DACH1: variants seen among roughly 807,000 people sequenced by gnomAD.
DACH1 encodes the protein dachshund family transcription factor 1.
Under a neutral mutation model 54.2 loss-of-function variants are expected in DACH1, and 12 were observed. The observed-to-expected ratio is 0.22, with a 90% CI of 0.14 to 0.36. DACH1 has a LOEUF of 0.36. Among genes scored for constraint, DACH1 ranks in the 10% least tolerant of loss-of-function variants. The pLI, the probability that DACH1 is intolerant of heterozygous loss-of-function variation, is 1.00. For synonymous variants in DACH1, 386 were observed against 366.2 expected (o/e 1.05, Z -0.62); for missense variants, 805 against 929.8 (o/e 0.87, Z 1.75).
chr13:71,598,558 C>T (rs1874276908), intron 3 of DACH1, among the ~76,000 whole-genome samples: 1 of 151,992 alleles, frequency 6.6e-6, no homozygotes, highest in South Asian at 2.1e-4. Flanking sequence ...CGGCCTGACG[C>T]TTATTTTTTG....
At chr13:71,587,786 G>C (rs1461590226) in intron 3 of DACH1, among the ~76,000 whole-genome samples, 1 of 152,054 alleles carries the variant, frequency 6.6e-6, no homozygotes, top group Non-Finnish European at 1.5e-5. Flanking sequence ...TTGAAAAAGA[G>C]AGTACAAATC....
At chr13:71,480,118 A>G (rs914061543) in intron 7 of DACH1, among the ~76,000 whole-genome samples, 1 of 152,236 alleles carries the variant, frequency 6.6e-6, no homozygotes, top group African/African-American at 2.4e-5. Flanking sequence ...ATTCAGGACT[A>G]TGCCCCCAGG....
chr13:71,772,124 A>T (rs1319636338), intron 1 of DACH1, among the ~76,000 whole-genome samples: 1 of 151,614 alleles, frequency 6.6e-6, no homozygotes, highest in Non-Finnish European at 1.5e-5. Context: ...ATATAGACTG[A>T]TATCCTCTAC....
At chr13:71,611,659 A>G (rs1485207304) in intron 3 of DACH1, among the ~76,000 whole-genome samples, 1 of 152,186 alleles carries the variant, frequency 6.6e-6, no homozygotes, top group Non-Finnish European at 1.5e-5. Context: ...GTATTGCTTC[A>G]TTTATTTTTT....
At position 71,865,754 on chromosome 13, in the gene DACH1, G is replaced by A. The variant is rs563880317; in HGVS notation, c.848+168C>T. ...AGGGTGAGGTGCCAACTTCTCAGGG[G>A]GTCGGGCGCGGCTGGCGAGCCCCGA... On this transcript the variant is annotated intron_variant, in intron 1 of 10. Transcript: ENST00000613252. Among the ~76,000 whole-genome samples the A allele has an allele frequency of 6.5e-4, 99 of 152,146 alleles. 1 individual carries two copies. The East Asian group carries it at 9.6e-3, about 15-fold the overall frequency.
intron 1 of DACH1, among the ~76,000 whole-genome samples, chr13:71,851,237 T>C (rs987759038): frequency 1.1e-4 from 16 of 152,228 alleles, no homozygotes; most frequent in Middle Eastern, 3.2e-3. Flanking sequence ...TAGCTTCTCC[T>C]GATTTAGGTT....
intron 10 of DACH1, among the ~76,000 whole-genome samples, chr13:71,467,400 A>C (rs534741731): frequency 4.9e-4 from 73 of 150,186 alleles, no homozygotes; most frequent in Non-Finnish European, 6.4e-4. Flanking sequence ...CCTAATGCTA[A>C]ATGACGAGTT....
At chr13:71,684,844 C>T (rs185844980) in intron 1 of DACH1, among the ~76,000 whole-genome samples, 11 of 152,132 alleles carry the variant, frequency 7.2e-5, no homozygotes, top group African/African-American at 2.6e-4. Context: ...AGTATACTAC[C>T]TTATCAATTC....
intron 1 of DACH1, among the ~76,000 whole-genome samples, chr13:71,756,977 A>C (rs910992441): frequency 6.6e-6 from 1 of 152,134 alleles, no homozygotes; most frequent in South Asian, 2.1e-4. Flanking sequence ...AATTTGTAAC[A>C]AAAAACTCAT....
At chr13:71,552,644 T>G (rs1404781070) in intron 6 of DACH1, among the ~76,000 whole-genome samples, 2 of 150,628 alleles carry the variant, frequency 1.3e-5, no homozygotes, top group Admixed American at 1.3e-4. Flanking sequence ...ATACCACAAA[T>G]GTCAATTATT....
chr13:71,826,058 G>C (rs1888365394), intron 1 of DACH1, among the ~76,000 whole-genome samples: 1 of 151,984 alleles, frequency 6.6e-6, no homozygotes, highest in Admixed American at 6.6e-5. Flanking sequence ...TCCAAATTTT[G>C]CATCTTAAAA....
In DACH1 at chr13:71,444,610, T is replaced by C. The variant is rs181528499; in HGVS notation, c.2084-3918A>G. 5.3e-5 allele frequency among the ~76,000 whole-genome samples: 8 copies of C among 152,266 alleles called. No individual in the cohort carries two copies. The East Asian group carries it at 1.5e-3, about 29-fold the overall frequency. On this transcript the variant is annotated intron_variant, in intron 10 of 10. Coordinates refer to ENST00000613252, the MANE Select transcript of DACH1 (RefSeq NM_080759.6). ...ACAATGAAGAAAAGCAACTAAAGTA[T>C]TAAATATAGTTTTCTAATCATCTGT...
At chr13:71,618,237 G>A (rs1200288131) in intron 3 of DACH1, among the ~76,000 whole-genome samples, 7 of 152,018 alleles carry the variant, frequency 4.6e-5, no homozygotes, top group African/African-American at 1.4e-4. Context: ...ATCATTTTGA[G>A]AATTTATGTC....
chr13:71,615,828 CAT>C (rs1491232334), intron 3 of DACH1, among the ~76,000 whole-genome samples: 9 of 152,090 alleles, frequency 5.9e-5, no homozygotes, highest in African/African-American at 2.2e-4. Flanking sequence ...TATGAATGTT[CAT>C]GTGTGTGTGT....
intron 1 of DACH1, among the ~76,000 whole-genome samples, chr13:71,840,743 T>A (rs1464842253): frequency 6.6e-6 from 1 of 152,154 alleles, no homozygotes; most frequent in East Asian, 1.9e-4. Context: ...GGCAGTAAAG[T>A]ATGTAAAAAG....
intron 1 of DACH1, among the ~76,000 whole-genome samples, chr13:71,769,745 G>A (rs1012428788): frequency 6.6e-6 from 1 of 151,512 alleles, no homozygotes; most frequent in Non-Finnish European, 1.5e-5. Flanking sequence ...CAACTTTTTA[G>A]AACAATAAAT....
chr13:71,450,430 G>C (rs1187547535), intron 10 of DACH1, among the ~76,000 whole-genome samples: 1 of 152,012 alleles, frequency 6.6e-6, no homozygotes. Flanking sequence ...AATAAATGTT[G>C]CGTGTGTTCT....
intron 2 of DACH1, among the ~76,000 whole-genome samples, chr13:71,667,625 T>C (rs1270707837): frequency 6.6e-6 from 1 of 152,214 alleles, no homozygotes; most frequent in Non-Finnish European, 1.5e-5. Context: ...CAAAAATTCA[T>C]AGAATATTAT....
chr13:71,724,603 C>T (rs998189229), intron 1 of DACH1, among the ~76,000 whole-genome samples: 6 of 151,956 alleles, frequency 3.9e-5, no homozygotes, highest in African/African-American at 1.4e-4. Flanking sequence ...TTATACACAG[C>T]AAAGTAGATG....
Sources: allele counts gnomAD v4.1 joint callset (sites outside exome capture counted in the v4.1 genomes callset), GRCh38; gene constraint gnomAD v4.1.1; transcripts MANE v1.5; gene names NCBI Gene and HGNC (gene_info 2026-07-23, HGNC 2026-07-21).